The following PPM1L variants were observed in gnomAD, a reference collection of about 807,000 sequenced individuals.
PPM1L encodes the protein protein phosphatase 1L.
A neutral mutation model predicts 31.4 loss-of-function variants in PPM1L; 13 were observed. That is an observed-to-expected ratio of 0.41 (90% CI 0.27 to 0.66). The LOEUF (loss-of-function observed/expected upper bound fraction) is 0.66. Ranked by LOEUF, PPM1L falls within the 30% of genes least tolerant of loss-of-function variation. The pLI is 0.29. For missense variants in PPM1L, 326 were observed against 453.7 expected, an observed-to-expected ratio of 0.72 and a Z score of 2.56; for synonymous variants, 184 against 175.4, an observed-to-expected ratio of 1.05 and a Z score of -0.39.
chr3:160,918,644 G>C (rs925972127), intron 1 of PPM1L, among the ~76,000 whole-genome samples: 1 of 152,066 alleles, frequency 6.6e-6, no homozygotes, highest in African/African-American at 2.4e-5. Flanking sequence ...ATAGCAAAAT[G>C]AAAAATTGAA....
chr3:160,847,276 C>G (rs577329692), intron 1 of PPM1L, among the ~76,000 whole-genome samples: 1 of 152,172 alleles, frequency 6.6e-6, no homozygotes, highest in South Asian at 2.1e-4. Context: ...CTTGTAGTAT[C>G]AATTTTTCCT....
intron 1 of PPM1L, among the ~76,000 whole-genome samples, chr3:160,914,151 A>G (rs1205000108): frequency 6.6e-6 from 1 of 151,946 alleles, no homozygotes; most frequent in Non-Finnish European, 1.5e-5. Flanking sequence ...TTGGTATATC[A>G]TTGTGTTTTA....
intron 1 of PPM1L, among the ~76,000 whole-genome samples, chr3:160,769,437 C>T (rs1715191167): frequency 6.6e-6 from 1 of 152,082 alleles, no homozygotes; most frequent in Non-Finnish European, 1.5e-5. Flanking sequence ...TATTTGGGAG[C>T]TGAGACATAA....
At chr3:160,869,681 T>A (rs1712229548) in intron 1 of PPM1L, among the ~76,000 whole-genome samples, 1 of 152,006 alleles carries the variant, frequency 6.6e-6, no homozygotes, top group Admixed American at 6.6e-5. Flanking sequence ...TGGAATAGAA[T>A]AACAATCTTT....
intron 1 of PPM1L, among the ~76,000 whole-genome samples, chr3:160,868,898 C>T (rs76326926): frequency 0.014 from 2,074 of 152,198 alleles, 25 homozygotes; most frequent in Middle Eastern, 0.024. Flanking sequence ...ATTCATGGAA[C>T]GTGATGCCTC....
At chr3:160,799,730 C>T (rs868289501) in intron 1 of PPM1L, among the ~76,000 whole-genome samples, 22 of 152,126 alleles carry the variant, frequency 1.4e-4, no homozygotes, top group African/African-American at 5.3e-4. Context: ...ACGTGGCTTG[C>T]CCCTTTTCTT....
At chr3:160,899,419 A>G (rs1441514075) in intron 1 of PPM1L, among the ~76,000 whole-genome samples, 1 of 152,196 alleles carries the variant, frequency 6.6e-6, no homozygotes, top group Admixed American at 6.5e-5. Context: ...GGGGAAGTAC[A>G]GGGGTAAGGA....
chr3:160,808,760 G>T (rs555717398), intron 1 of PPM1L, among the ~76,000 whole-genome samples: 1 of 152,298 alleles, frequency 6.6e-6, no homozygotes, highest in East Asian at 1.9e-4. Flanking sequence ...TTAGTCTAGT[G>T]CACTCAGCTG....
intron 1 of PPM1L, among the ~76,000 whole-genome samples, chr3:160,923,090 A>G (rs1457973923): frequency 6.6e-6 from 1 of 152,204 alleles, no homozygotes; most frequent in Non-Finnish European, 1.5e-5. Context: ...AACTTGTGGC[A>G]ATTTACATTA....
chr3:160,769,531 A>G (rs538711035), intron 1 of PPM1L, among the ~76,000 whole-genome samples: 21 of 152,176 alleles, frequency 1.4e-4, no homozygotes, highest in Non-Finnish European at 2.6e-4. Flanking sequence ...AGTTTTTGCC[A>G]TTAGTTTTCT....
At chr3:160,980,058 G>A (rs1037028309) in intron 2 of PPM1L, among the ~76,000 whole-genome samples, 4 of 151,980 alleles carry the variant, frequency 2.6e-5, no homozygotes, top group African/African-American at 7.2e-5. Context: ...TTCCAGGGTA[G>A]GGCTGGCCTT....
chr3:160,885,239 G>A (rs1712872365), intron 1 of PPM1L, among the ~76,000 whole-genome samples: 1 of 151,850 alleles, frequency 6.6e-6, no homozygotes, highest in Non-Finnish European at 1.5e-5. Flanking sequence ...TTTTTTTTGG[G>A]TAAGAAAACC....
intron 2 of PPM1L, among the ~76,000 whole-genome samples, chr3:161,020,546 T>G (rs1008780161): frequency 6.6e-6 from 1 of 152,172 alleles, no homozygotes; most frequent in Non-Finnish European, 1.5e-5. Context: ...AAGATACTGT[T>G]TTGCCCATAC....
At chr3:160,809,560 C>G (rs1347576204) in intron 1 of PPM1L, among the ~76,000 whole-genome samples, 1 of 152,174 alleles carries the variant, frequency 6.6e-6, no homozygotes, top group African/African-American at 2.4e-5. Flanking sequence ...TCTCCCCACT[C>G]TCTACTTTGT....
chr3:160,831,359 G>C (rs1463785610), intron 1 of PPM1L, among the ~76,000 whole-genome samples: 3 of 152,112 alleles, frequency 2.0e-5, no homozygotes, highest in Non-Finnish European at 4.4e-5. Context: ...TGGCAGTAGA[G>C]GCTTTGTTCA....
intron 2 of PPM1L, among the ~76,000 whole-genome samples, chr3:161,057,078 A>G (rs906392105): frequency 6.6e-6 from 1 of 152,100 alleles, no homozygotes; most frequent in Non-Finnish European, 1.5e-5. Flanking sequence ...AATAAAAAAG[A>G]ATACAGCAAT....
chr3:161,065,502 T>C lies in PPM1L; in HGVS notation c.674T>C (p.Ile225Thr). 1.2e-6 allele frequency: 2 copies of C among 1,614,066 alleles called. No individual in the cohort carries two copies. Among genetic ancestry groups the C allele is most frequent in the Non-Finnish European group, 1.7e-6 (2 of 1,179,956 alleles). The change falls in exon 3 of 4, where the codon ATT becomes ACT. Residue 225 changes from isoleucine to threonine, a missense_variant. Physicochemically the swap from Ile to Thr is moderately conservative, Grantham distance 89. Transcript: ENST00000498165. Reference sequence around the variant, plus strand: ...CTGTGTGACAAAGATGGGAACGCTATTCCTTTGTCTCATGATCACAAGCCT... The same window carrying C: ...CTGTGTGACAAAGATGGGAACGCTACTCCTTTGTCTCATGATCACAAGCCT... Reference protein sequence around the residue: ...GVLCDKDGNAIPLSHDHKPYQ... With the variant: ...GVLCDKDGNATPLSHDHKPYQ...
intron 1 of PPM1L, among the ~76,000 whole-genome samples, chr3:160,824,115 G>A (rs180956260): frequency 2.2e-4 from 33 of 152,188 alleles, no homozygotes; most frequent in African/African-American, 7.0e-4. Context: ...ATTTGGAGGC[G>A]GGACCCTTGG....
chr3:160,906,444 A>T (rs1046263410), intron 1 of PPM1L, among the ~76,000 whole-genome samples: 1 of 152,110 alleles, frequency 6.6e-6, no homozygotes, highest in Non-Finnish European at 1.5e-5. Context: ...TCTACTAAAA[A>T]TACAAAAATT....
Sources: gnomAD v4.1 joint callset for allele counts (sites outside exome capture counted in the v4.1 genomes callset) on GRCh38, gnomAD v4.1.1 for gene constraint, MANE v1.5 for transcripts, NCBI Gene and HGNC (gene_info 2026-07-23, HGNC 2026-07-21) for gene names.